The following MYH9 variants were observed in gnomAD, a reference collection of about 807,000 sequenced individuals.
MYH9 encodes myosin-9.
MYH9 carries 29 observed loss-of-function variants against 241.9 expected under a neutral mutation model. The ratio of observed to expected loss-of-function variants is 0.12; its 90% CI spans 0.09 to 0.16. The LOEUF (loss-of-function observed/expected upper bound fraction) is 0.16. MYH9 is among the 10% of genes least tolerant of loss of function. The pLI, the probability that MYH9 is intolerant of heterozygous loss-of-function variation, is 1.00. For synonymous variants in MYH9, 1,047 were observed against 1,062.6 expected (o/e 0.99, Z 0.29); for missense variants, 1,803 against 2,595.5 (o/e 0.69, Z 6.63).
At position 36,298,974 on chromosome 22, in the gene MYH9, A is replaced by T; in HGVS notation, c.3045T>A (p.Ser1015=). 6.2e-7 allele frequency: 1 copy of T among 1,614,034 alleles called. No individual in the cohort carries two copies. The highest frequency in any genetic ancestry group is 2.2e-5 in the East Asian group (1 of 44,876). ...TTNLTEEEEK[S]KSLAKLKNKH... is the part of the protein sequence containing the mutation. Reference sequence around the variant, plus strand: ...TGTTCTTGAGCTTGGCGAGGCTCTTAGATTTCTCCTCCTCTTCTGTGAGGT... The same window carrying T: ...TGTTCTTGAGCTTGGCGAGGCTCTTTGATTTCTCCTCCTCTTCTGTGAGGT... Residue 1015 remains serine (S), a synonymous_variant, in exon 24 of 41, where the codon TCT becomes TCA. Transcript: ENST00000216181.
Position 36,304,041 on chromosome 22 carries a change from C to T in MYH9, c.2344G>A (p.Val782Ile), listed in dbSNP as rs139966058. The change falls in exon 19 of 41, where the codon GTC (valine) becomes ATC (isoleucine). Residue 782 changes from valine (V) to isoleucine (I), a missense_variant. Physicochemically the swap from Val to Ile is conservative, Grantham distance 29 (BLOSUM62 3). Around this residue, in one of 11 missense-constraint regions of MYH9, gnomAD observed 72 missense variants for 83.3 expected, o/e 0.86. Transcript: ENST00000216181. ...EEERDLKITD[V>I]IIGFQACCRG... ...CAGCAGGCCTGGAACCCTATGATGACGTCGGTGATCTTCAGGTCTCGCTCC... is the reference window on the plus strand; with the variant it reads ...CAGCAGGCCTGGAACCCTATGATGATGTCGGTGATCTTCAGGTCTCGCTCC... 9.2e-5 allele frequency: 149 copies of T among 1,613,782 alleles called. No homozygotes were observed. In the African/African-American group the frequency reaches 1.3e-3, roughly 14 times the overall value.
In MYH9 at chr22:36,282,744, C is replaced by T. The variant is rs781388651; in HGVS notation, c.5807G>A (p.Arg1936Gln). 7 of 1,613,412 alleles carry T rather than the reference C, an allele frequency of 4.3e-6. No homozygotes were observed. Among genetic ancestry groups the T allele is most frequent in the Middle Eastern group, 1.6e-4 (1 of 6,084 alleles). The change falls in exon 41 of 41, where the codon CGG becomes CAG. Residue 1936 changes from arginine to glutamine, a missense_variant. Arg to Gln is a conservative substitution (Grantham distance 43). Around this residue, in one of 11 missense-constraint regions of MYH9, gnomAD observed 876 missense variants for 1,077.8 expected, o/e 0.81. Coordinates refer to ENST00000216181, the MANE Select transcript of MYH9 (RefSeq NM_002473.6). ...GTCGGAGCCATCCCCGGCGCCTTTC[C>T]GGGCCATTCGGCGGGGCACGACAAA... Reference protein sequence around the residue: ...LPFVVPRRMARKGAGDGSDEE... With the variant: ...LPFVVPRRMAQKGAGDGSDEE...
chr22:36,380,574 CT>C (rs2018241882), intron 1 of MYH9, among the ~76,000 whole-genome samples: 1 of 152,120 alleles, frequency 6.6e-6, no homozygotes, highest in South Asian at 2.1e-4. Context: ...AACCCTGCCT[CT>C]ACTAAAAATA....
intron 24 of MYH9, among the ~76,000 whole-genome samples, 189 bp downstream of exon 24, chr22:36,298,730 G>C (rs2016827295): frequency 6.6e-6 from 1 of 152,202 alleles, no homozygotes; most frequent in Non-Finnish European, 1.5e-5. Flanking sequence ...GGTTCCCGCA[G>C]GCACCAGACA....
In MYH9 at chr22:36,374,386, G is replaced by A. The variant is rs533184612; in HGVS notation, c.-20+13421C>T. ...AATACAAAAATTAGCCGGGCATGGC[G>A]GCACGCGCCTGTAATCCCGGCTACT... On this transcript the variant is annotated intron_variant, in intron 1 of 40. Transcript: ENST00000216181. 4.6e-5 allele frequency among the ~76,000 whole-genome samples: 7 copies of A among 152,362 alleles called. No individual in the cohort carries two copies. The South Asian group carries it at 8.3e-4, about 18-fold the overall frequency.
intron 35 of MYH9, 79 bp downstream of exon 35, chr22:36,286,639 T>C: frequency 6.3e-7 from 1 of 1,594,530 alleles, no homozygotes; most frequent in South Asian, 1.1e-5. Context: ...ACTCCAGCCC[T>C]GTCCTCAGCT....
rs1467075674 is a variant in MYH9, at chr22:36,319,624, C to A, written c.1024G>T (p.Val342Phe). The A allele has an allele frequency of 2.5e-6, 4 of 1,613,958 alleles. No homozygotes were observed. Among genetic ancestry groups the A allele is most frequent in the Non-Finnish European group, 3.4e-6 (4 of 1,180,030 alleles). ...CCGAGCTGAAGAACCCCTGAGATGA[C>A]CCGCAGCAGGCCTTTGGGTGCAATC... ...PEEEQMGLLR[V>F]ISGVLQLGNI... The change falls in exon 10 of 41, where the codon GTC becomes TTC. Residue 342 changes from valine to phenylalanine, a missense_variant. By Grantham distance (50) the Val-to-Phe change is conservative (BLOSUM62 -1). This residue lies in a region of MYH9 where 222 missense variants were observed against 359.9 expected (regional missense o/e 0.62). Coordinates refer to ENST00000216181, the MANE Select transcript of MYH9 (RefSeq NM_002473.6).
At chr22:36,357,308 C>A (rs1340713531) in intron 1 of MYH9, among the ~76,000 whole-genome samples, 1 of 152,122 alleles carries the variant, frequency 6.6e-6, no homozygotes, top group Non-Finnish European at 1.5e-5. Flanking sequence ...GGAAAGGTAT[C>A]CCGGGCCGAG....
intron 1 of MYH9, among the ~76,000 whole-genome samples, chr22:36,386,683 C>A (rs2018356167): frequency 6.6e-6 from 1 of 152,172 alleles, no homozygotes; most frequent in Non-Finnish European, 1.5e-5. Flanking sequence ...TCCACACCGG[C>A]TGGGTGGGGC....
chr22:36,283,982 G>T, intron 40 of MYH9, 111 bp downstream of exon 40: 1 of 1,320,648 alleles, frequency 7.6e-7, no homozygotes, highest in Non-Finnish European at 1.1e-6. Flanking sequence ...ATTGCTTTGT[G>T]CAGTCCTTTC....
At chr22:36,283,679 A>G (rs1257613527) in intron 40 of MYH9, among the ~76,000 whole-genome samples, 2 of 152,284 alleles carry the variant, frequency 1.3e-5, no homozygotes, top group African/African-American at 2.4e-5. Context: ...ATCTCAGAGA[A>G]TAAGATCCTC....
chr22:36,320,015 C>A lies in MYH9; in HGVS notation c.1012+205G>T, dbSNP rs996216521. On this transcript the variant is annotated intron_variant, in intron 9 of 40. Coordinates refer to ENST00000216181, the MANE Select transcript of MYH9 (RefSeq NM_002473.6). The surrounding 1 kb of genome is among the most constrained non-coding windows in gnomAD (Gnocchi z 4.8). ...GCAGTTAAGAACATGTCCTTTGCACCCTTTCTGAATGCCTGTGGTACCACC... is the reference window on the plus strand; with the variant it reads ...GCAGTTAAGAACATGTCCTTTGCACACTTTCTGAATGCCTGTGGTACCACC... Among the ~76,000 whole-genome samples, 6 of 152,178 alleles carry A rather than the reference C, an allele frequency of 3.9e-5. No homozygotes were observed. Among genetic ancestry groups the A allele is most frequent in the African/African-American group, 1.4e-4 (6 of 41,442 alleles).
chr22:36,343,945 G>A (rs910416529), intron 2 of MYH9, among the ~76,000 whole-genome samples: 6 of 152,212 alleles, frequency 3.9e-5, no homozygotes, highest in African/African-American at 9.6e-5. Context: ...ACACGTGGTC[G>A]CACACTAAGG....
rs533211117 is a variant in MYH9, at chr22:36,330,610, T to C, written c.491-3122A>G. ...CCAGTGGGCTCTTTGGCCTACTCAGTTTACTCTGCAGCCCACCTCCCCACC... is the reference window on the plus strand; with the variant it reads ...CCAGTGGGCTCTTTGGCCTACTCAGCTTACTCTGCAGCCCACCTCCCCACC... On this transcript the variant is annotated intron_variant, in intron 3 of 40. Coordinates refer to ENST00000216181, the MANE Select transcript of MYH9 (RefSeq NM_002473.6). This position sits in a 1 kb window ranked among gnomAD's most constrained non-coding sequence, Gnocchi z 4.5. 3.3e-5 allele frequency among the ~76,000 whole-genome samples: 5 copies of C among 152,228 alleles called. No homozygotes were observed. Among genetic ancestry groups the C allele is most frequent in the African/African-American group, 1.2e-4 (5 of 41,522 alleles).
intron 35 of MYH9, among the ~76,000 whole-genome samples, 177 bp downstream of exon 35, chr22:36,286,541 G>A (rs1007369625): frequency 6.6e-6 from 1 of 152,182 alleles, no homozygotes; most frequent in Non-Finnish European, 1.5e-5. Flanking sequence ...CTGATCATAC[G>A]AGGGAGCCCC....
Position 36,385,694 on chromosome 22 carries a change from C to T in MYH9, c.-20+2113G>A, listed in dbSNP as rs373197554. ...GGAGCTCCCCAGAGCCTGCCAATGCCGGCTCTCCAGACACCTGGCTCTGCC... is the reference window on the plus strand; with the variant it reads ...GGAGCTCCCCAGAGCCTGCCAATGCTGGCTCTCCAGACACCTGGCTCTGCC... On this transcript the variant is annotated intron_variant, in intron 1 of 40. Transcript: ENST00000216181. Among the ~76,000 whole-genome samples the T allele has an allele frequency of 2.1e-3, 321 of 152,298 alleles. 1 individual carries two copies. The highest frequency in any genetic ancestry group is 6.8e-3 in the Middle Eastern group (2 of 294).
At position 36,309,350 on chromosome 22, in the gene MYH9, A is replaced by C; in HGVS notation, c.1775T>G (p.Leu592Arg). Residue 592 changes from leucine (L) to arginine (R), a missense_variant, in exon 15 of 41, where the codon CTG becomes CGG. This residue lies in a region of MYH9 where 163 missense variants were observed against 349.7 expected (regional missense o/e 0.47). Transcript: ENST00000216181. ...DEWLMKNMDP[L>R]NDNIATLLHQ... ...GAGCAGTGTGGCGATGTTGTCATTCAGGGGATCCATGTTCTTCATCAGCCA... is the reference window on the plus strand; with the variant it reads ...GAGCAGTGTGGCGATGTTGTCATTCCGGGGATCCATGTTCTTCATCAGCCA... 1.2e-6 allele frequency: 2 copies of C among 1,614,206 alleles called. No individual in the cohort carries two copies. Among genetic ancestry groups the C allele is most frequent in the Non-Finnish European group, 1.7e-6 (2 of 1,180,034 alleles).
At chr22:36,370,137 C>A (rs781424394) in intron 1 of MYH9, among the ~76,000 whole-genome samples, 2 of 152,170 alleles carry the variant, frequency 1.3e-5, no homozygotes, top group African/African-American at 2.4e-5. Flanking sequence ...CCTCATTCCA[C>A]AGATAAGGAA....
chr22:36,348,771 A>G (rs2017718702), intron 2 of MYH9, 133 bp downstream of exon 2: 11 of 820,340 alleles, frequency 1.3e-5, no homozygotes, highest in Non-Finnish European at 2.2e-5. Flanking sequence ...ATGTCACCCC[A>G]GCACTCCTTC....
Sources: gnomAD v4.1 joint callset for allele counts (sites outside exome capture counted in the v4.1 genomes callset) on GRCh38, gnomAD v4.1.1 for gene constraint, gnomAD v4.1.1 regional missense constraint, Gnocchi (gnomAD v3.1) non-coding constraint, MANE v1.5 for transcripts, NCBI Gene and HGNC (gene_info 2026-07-23, HGNC 2026-07-21) for gene names.